PRMT8: variants seen among roughly 807,000 people sequenced by gnomAD.
PRMT8 encodes protein arginine N-methyltransferase 8.
In PRMT8, 7 loss-of-function variants were observed where a neutral mutation model predicts 47.1. That is an observed-to-expected ratio of 0.15 (90% CI 0.08 to 0.28). PRMT8 has a LOEUF of 0.28. PRMT8 is among the 10% of genes least tolerant of loss of function. The pLI, the probability that PRMT8 is intolerant of heterozygous loss-of-function variation, is 1.00. For synonymous variants in PRMT8, 188 were observed against 186.5 expected, an observed-to-expected ratio of 1.01 and a Z score of -0.07; for missense variants, 237 against 505.4, an observed-to-expected ratio of 0.47 and a Z score of 5.09.
intron 1 of PRMT8, among the ~76,000 whole-genome samples, chr12:3,504,422 A>G (rs1232453815): frequency 9.1e-6 from 1 of 109,946 alleles, no homozygotes; most frequent in Admixed American, 9.6e-5. Flanking sequence ...CTTCTAACAG[A>G]CAGGACCCTC....
upstream of PRMT8, among the ~76,000 whole-genome samples, chr12:3,489,201 C>A (rs1406954413): frequency 6.6e-6 from 1 of 152,058 alleles, no homozygotes; most frequent in Admixed American, 6.5e-5. Context: ...CCAAGCAAAG[C>A]AAAAGATTTC....
chr12:3,472,583 G>A (rs1044693636), intron 1 of PRMT8, among the ~76,000 whole-genome samples: 2 of 152,198 alleles, frequency 1.3e-5, no homozygotes, highest in African/African-American at 4.8e-5. Flanking sequence ...TGCCCACTTA[G>A]AAGTTCTTTG....
At chr12:3,391,139 G>C (rs916905534) in intron 1 of PRMT8, among the ~76,000 whole-genome samples, 1 of 151,908 alleles carries the variant, frequency 6.6e-6, no homozygotes, top group Non-Finnish European at 1.5e-5. Flanking sequence ...CATTTTTTTC[G>C]GTAGATCTTT....
Position 3,568,864 on chromosome 12 carries a change from G to A in PRMT8, c.624+16G>A, listed in dbSNP as rs139900669. Reference sequence around the variant, plus strand: ...CAAGTGGCTGGTAAGTGTCCTGCATGCTGTCCCCGCGTTGGCCGGCTGGCT... The same window carrying A: ...CAAGTGGCTGGTAAGTGTCCTGCATACTGTCCCCGCGTTGGCCGGCTGGCT... On this transcript the variant is annotated intron_variant, in intron 5 of 9. Transcript: ENST00000382622. The A allele has an allele frequency of 9.8e-4, 1,584 of 1,613,862 alleles. 2 individuals carry two copies. The highest frequency in any genetic ancestry group is 1.0e-3 in the Non-Finnish European group (1,220 of 1,179,876).
At chr12:3,402,986 G>A (rs978591357) in intron 1 of PRMT8, among the ~76,000 whole-genome samples, 9 of 152,166 alleles carry the variant, frequency 5.9e-5, no homozygotes, top group African/African-American at 2.2e-4. Flanking sequence ...TGAAGGAATA[G>A]AAATCATTCT....
In PRMT8 at chr12:3,576,731, G is replaced by A; in HGVS notation, c.713-140G>A. On this transcript the variant is annotated intron_variant, in intron 6 of 9. Coordinates refer to ENST00000382622, the MANE Select transcript of PRMT8 (RefSeq NM_019854.5). This position sits in a 1 kb window ranked among gnomAD's most constrained non-coding sequence, Gnocchi z 4.0. ...CACATTGCAAAGTGCCCCCAGGTGA[G>A]CAGTTCTGCCTCTATTTCGATGCAA... 3 of 674,970 alleles carry A rather than the reference G, an allele frequency of 4.4e-6. No individual in the cohort carries two copies. In the South Asian group the frequency reaches 5.3e-5, roughly 12 times the overall value. 41.8% of individuals were successfully genotyped at this position (674,970 alleles called of 1,614,324 possible). A position where few individuals can be genotyped will look rare whatever the true frequency, so the allele number is the denominator to read the frequency against.
Position 3,431,407 on chromosome 12 carries a change from C to G in PRMT8, c.48+49965C>G, listed in dbSNP as rs570821527. 3.9e-5 allele frequency among the ~76,000 whole-genome samples: 6 copies of G among 152,258 alleles called. No individual in the cohort carries two copies. The South Asian group carries it at 1.2e-3, about 32-fold the overall frequency. On this transcript the variant is annotated intron_variant, in intron 1 of 9. Coordinates refer to the PRMT8 transcript ENST00000452611. ...AAGGCAGAACAAAGATGCAGAATGACTTCCAGAAGGCAGAGGCCTCCAGAT... is the reference window on the plus strand; with the variant it reads ...AAGGCAGAACAAAGATGCAGAATGAGTTCCAGAAGGCAGAGGCCTCCAGAT...
chr12:3,515,751 G>T (rs1434472681), intron 1 of PRMT8, among the ~76,000 whole-genome samples: 1 of 152,228 alleles, frequency 6.6e-6, no homozygotes, highest in Non-Finnish European at 1.5e-5. Flanking sequence ...TGAACTAGCA[G>T]GGCGGGCCCC....
At chr12:3,450,670 T>C (rs903382956) in intron 1 of PRMT8, among the ~76,000 whole-genome samples, 4 of 152,250 alleles carry the variant, frequency 2.6e-5, no homozygotes, top group Non-Finnish European at 5.9e-5. Flanking sequence ...TAGTTTAGCC[T>C]GCAACTCAAT....
chr12:3,417,315 C>G (rs202077627), intron 1 of PRMT8, among the ~76,000 whole-genome samples: 4 of 152,300 alleles, frequency 2.6e-5, no homozygotes, highest in East Asian at 3.9e-4. Flanking sequence ...ACAAATCTTG[C>G]CTTCCCTGGC....
intron 1 of PRMT8, among the ~76,000 whole-genome samples, chr12:3,469,492 C>G (rs1053527360): frequency 6.6e-6 from 1 of 152,096 alleles, no homozygotes; most frequent in African/African-American, 2.4e-5. Flanking sequence ...GCCCAGGATT[C>G]CATTTCCATG....
At chr12:3,433,966 T>C (rs903571870) in intron 1 of PRMT8, among the ~76,000 whole-genome samples, 3 of 152,210 alleles carry the variant, frequency 2.0e-5, no homozygotes, top group African/African-American at 7.2e-5. Flanking sequence ...AGCCCAACAT[T>C]ACTCTTATAC....
At chr12:3,439,545 C>A (rs1215332709) in intron 1 of PRMT8, among the ~76,000 whole-genome samples, 1 of 152,208 alleles carries the variant, frequency 6.6e-6, no homozygotes, top group African/African-American at 2.4e-5. Flanking sequence ...GCTTACATCC[C>A]AGTGACTTTC....
chr12:3,405,086 C>T (rs1237866439), intron 1 of PRMT8, among the ~76,000 whole-genome samples: 1 of 152,112 alleles, frequency 6.6e-6, no homozygotes, highest in Non-Finnish European at 1.5e-5. Flanking sequence ...AAAAAAACTT[C>T]AATTGAGTCA....
At chr12:3,469,337 A>G (rs1420431693) in intron 1 of PRMT8, 4 of 355,016 alleles carry the variant, frequency 1.1e-5, no homozygotes, top group Non-Finnish European at 2.2e-5. Context: ...TACTGGAGAA[A>G]GATAAAGTGG....
chr12:3,421,872 A>G (rs1864545247), intron 1 of PRMT8, among the ~76,000 whole-genome samples: 1 of 152,236 alleles, frequency 6.6e-6, no homozygotes, highest in Non-Finnish European at 1.5e-5. Flanking sequence ...CTGCTGAGGT[A>G]GTTTGCAAGG....
intron 1 of PRMT8, among the ~76,000 whole-genome samples, chr12:3,459,608 A>C (rs894381261): frequency 2.6e-5 from 4 of 152,328 alleles, no homozygotes; most frequent in African/African-American, 9.6e-5. Flanking sequence ...TTGGCAAAGA[A>C]AGGTGTTTTA....
At chr12:3,474,779 T>C (rs1019807617) in intron 1 of PRMT8, among the ~76,000 whole-genome samples, 2 of 152,110 alleles carry the variant, frequency 1.3e-5, no homozygotes, top group African/African-American at 4.8e-5. Flanking sequence ...TCTCATGTGC[T>C]CTTCCCCTTG....
At chr12:3,534,948 T>C (rs1425941422) in intron 1 of PRMT8, among the ~76,000 whole-genome samples, 2 of 152,266 alleles carry the variant, frequency 1.3e-5, no homozygotes, top group African/African-American at 4.8e-5. Flanking sequence ...TCTGTAAATG[T>C]CAGTTACTAT....
Sources: allele counts gnomAD v4.1 joint callset (sites outside exome capture counted in the v4.1 genomes callset), GRCh38; gene constraint gnomAD v4.1.1; non-coding constraint Gnocchi (gnomAD v3.1); transcripts MANE v1.5; gene names NCBI Gene and HGNC (gene_info 2026-07-23, HGNC 2026-07-21).